Variants in CACNA2D1 observed in about 807,000 individuals in gnomAD.
CACNA2D1 encodes calcium voltage-gated channel auxiliary subunit alpha2delta 1.
A neutral mutation model predicts 171.5 loss-of-function variants in CACNA2D1; 53 were observed. The ratio of observed to expected loss-of-function variants is 0.31; its 90% CI spans 0.25 to 0.39. CACNA2D1 has a LOEUF of 0.39. CACNA2D1 is among the 10% of genes least tolerant of loss of function. CACNA2D1 has a pLI of 1.00. For synonymous variants in CACNA2D1, 442 were observed against 443.1 expected (o/e 1.00, Z 0.03); for missense variants, 903 against 1,299.8 (o/e 0.69, Z 4.69).
At position 82,175,228 on chromosome 7, in the gene CACNA2D1, T is replaced by C. The variant is rs1017167945; in HGVS notation, c.295-4619A>G. On this transcript the variant is annotated intron_variant, in intron 3 of 38. Coordinates refer to ENST00000356860, the MANE Select transcript of CACNA2D1 (RefSeq NM_000722.4). Reference sequence around the variant, plus strand: ...TAACAGTTCAGTTACACTCCCATAATGTTGGTACTCTTGTTTATATACAAA... The same window carrying C: ...TAACAGTTCAGTTACACTCCCATAACGTTGGTACTCTTGTTTATATACAAA... 3.9e-4 allele frequency among the ~76,000 whole-genome samples: 59 copies of C among 152,044 alleles called. 1 individual carries two copies. Among genetic ancestry groups the C allele is most frequent in the Admixed American group, 8.5e-4 (13 of 15,234 alleles).
At chr7:82,440,724 G>A (rs1830438139) in intron 1 of CACNA2D1, among the ~76,000 whole-genome samples, 1 of 151,572 alleles carries the variant, frequency 6.6e-6, no homozygotes, top group South Asian at 2.1e-4. Context: ...TGTTAAACAG[G>A]AGAGCAAAAA....
chr7:82,184,599 C>G (rs1797477483), intron 3 of CACNA2D1, among the ~76,000 whole-genome samples: 1 of 152,036 alleles, frequency 6.6e-6, no homozygotes, highest in South Asian at 2.1e-4. Flanking sequence ...CTGTAATTTT[C>G]CACTCACGTT....
intron 1 of CACNA2D1, among the ~76,000 whole-genome samples, chr7:82,417,683 A>G (rs1563524619): frequency 6.6e-6 from 1 of 152,186 alleles, no homozygotes; most frequent in Non-Finnish European, 1.5e-5. Flanking sequence ...ATGACAGTAA[A>G]CAAAGGGGAA....
At chr7:82,341,495 T>C (rs1168627578) in intron 2 of CACNA2D1, among the ~76,000 whole-genome samples, 3 of 152,240 alleles carry the variant, frequency 2.0e-5, no homozygotes, top group Non-Finnish European at 4.4e-5. Flanking sequence ...AATTATTTAA[T>C]CATTTCTAAT....
intron 38 of CACNA2D1, among the ~76,000 whole-genome samples, chr7:81,955,420 G>A (rs1160117117): frequency 6.6e-6 from 1 of 151,944 alleles, no homozygotes; most frequent in Non-Finnish European, 1.5e-5. Context: ...CAACTTAATT[G>A]TTTCAGAGAA....
intron 18 of CACNA2D1, 162 bp downstream of exon 18, chr7:82,005,261 T>C (rs988885175): frequency 3.3e-6 from 2 of 610,336 alleles, no homozygotes; most frequent in African/African-American, 3.7e-5. Context: ...CACTTTCATA[T>C]AGTATCATGT....
intron 3 of CACNA2D1, among the ~76,000 whole-genome samples, chr7:82,245,467 CA>C (rs57470855): frequency 3.1e-3 from 465 of 151,876 alleles, no homozygotes; most frequent in African/African-American, 0.011. Context: ...TTGGTGTTTC[CA>C]AAGATGCAAA....
In CACNA2D1 at chr7:82,136,686, A is replaced by T; in HGVS notation, c.355-10T>A. 1 of 1,566,500 alleles carries T rather than the reference A, an allele frequency of 6.4e-7. No homozygotes were observed. The highest frequency in any genetic ancestry group is 1.2e-5 in the South Asian group (1 of 86,738). On this transcript the variant is annotated splice_polypyrimidine_tract_variant and intron_variant, in intron 4 of 38. Transcript: ENST00000356860. ...AGACAACTTCATTGCTCTACAAAAA[A>T]AAAAGAACGCTTTATTGATTTTAAT... is the stretch of plus-strand genomic sequence containing the variant.
At chr7:82,062,255 C>G (rs1411027341) in intron 9 of CACNA2D1, among the ~76,000 whole-genome samples, 1 of 152,150 alleles carries the variant, frequency 6.6e-6, no homozygotes, top group African/African-American at 2.4e-5. Flanking sequence ...ATTTGTCTCA[C>G]TGTCAAAATT....
chr7:82,258,393 A>G (rs1358751882), intron 3 of CACNA2D1, among the ~76,000 whole-genome samples: 1 of 152,064 alleles, frequency 6.6e-6, no homozygotes, highest in East Asian at 1.9e-4. Context: ...CGTCTAGTTC[A>G]ATGGAAAAAA....
chr7:82,409,647 T>C (rs1334990514), intron 1 of CACNA2D1, among the ~76,000 whole-genome samples: 1 of 152,178 alleles, frequency 6.6e-6, no homozygotes, highest in African/African-American at 2.4e-5. Context: ...TGTGTATCTG[T>C]GGTATAAAGC....
At chr7:82,044,034 C>A (rs1804256591) in intron 10 of CACNA2D1, among the ~76,000 whole-genome samples, 1 of 152,136 alleles carries the variant, frequency 6.6e-6, no homozygotes, top group South Asian at 2.1e-4. Context: ...GCCCACTCAA[C>A]CTGTCTTTTT....
intron 4 of CACNA2D1, among the ~76,000 whole-genome samples, chr7:82,139,945 C>CTATTATTATTAT (rs4018980): frequency 0.025 from 3,529 of 142,920 alleles, 80 homozygotes; most frequent in African/African-American, 0.06. Context: ...ACACACCTGG[C>CTATTATTATTAT]TATTATTATT....
intron 36 of CACNA2D1, 132 bp downstream of exon 36, chr7:81,961,762 A>C: frequency 1.3e-6 from 1 of 776,374 alleles, no homozygotes. Flanking sequence ...ACAATTACTC[A>C]CATCTCTGAC....
At chr7:81,969,550 G>GATT (rs1795052066) in intron 28 of CACNA2D1, among the ~76,000 whole-genome samples, 1 of 150,962 alleles carries the variant, frequency 6.6e-6, no homozygotes, top group South Asian at 2.1e-4. Context: ...TTAATCAATG[G>GATT]AATTACTCTA....
chr7:82,043,057 A>C (rs1584517512), intron 10 of CACNA2D1, among the ~76,000 whole-genome samples: 1 of 152,230 alleles, frequency 6.6e-6, no homozygotes, highest in East Asian at 1.9e-4. Flanking sequence ...ATAAATGTTT[A>C]AACTCTTTGG....
intron 38 of CACNA2D1, among the ~76,000 whole-genome samples, chr7:81,955,362 G>A (rs536650851): frequency 1.7e-4 from 26 of 152,110 alleles, no homozygotes; most frequent in Non-Finnish European, 3.2e-4. Context: ...CTTAATGTGG[G>A]AAACAACTGC....
chr7:82,052,804 T>C (rs1450646665), intron 10 of CACNA2D1, among the ~76,000 whole-genome samples: 1 of 152,214 alleles, frequency 6.6e-6, no homozygotes, highest in Non-Finnish European at 1.5e-5. Context: ...TGAAGATGGC[T>C]ACACTCCAGT....
chr7:82,091,525 G>A (rs1250805117), intron 6 of CACNA2D1, among the ~76,000 whole-genome samples: 3 of 152,156 alleles, frequency 2.0e-5, no homozygotes, highest in South Asian at 2.1e-4. Flanking sequence ...CACAGAGGAG[G>A]AGCTCAGAAG....
Sources: gnomAD v4.1 joint callset for allele counts (sites outside exome capture counted in the v4.1 genomes callset) on GRCh38, gnomAD v4.1.1 for gene constraint, MANE v1.5 for transcripts, NCBI Gene and HGNC (gene_info 2026-07-23, HGNC 2026-07-21) for gene names.